Variants in STAU1 observed in about 807,000 individuals in gnomAD.
STAU1 encodes the protein staufen double-stranded RNA binding protein 1.
STAU1 carries 13 observed loss-of-function variants against 62.9 expected under a neutral mutation model. That is an observed-to-expected ratio of 0.21 (90% CI 0.13 to 0.33). The LOEUF (loss-of-function observed/expected upper bound fraction) is 0.33. Ranked by LOEUF, STAU1 falls within the 10% of genes least tolerant of loss-of-function variation. The pLI is 1.00. For synonymous variants in STAU1, 269 were observed against 265.1 expected (o/e 1.01, Z -0.14); for missense variants, 571 against 712.1 (o/e 0.80, Z 2.25).
At chr20:49,199,849 C>A in the STAU1 span, among the ~76,000 whole-genome samples, 1 of 152,108 alleles carries the variant, frequency 6.6e-6, no homozygotes. Flanking sequence ...GTTGGGATTA[C>A]AGATGTCAGC....
chr20:49,196,246 C>T, the STAU1 span, among the ~76,000 whole-genome samples: 1 of 149,126 alleles, frequency 6.7e-6, no homozygotes, highest in Non-Finnish European at 1.5e-5. Flanking sequence ...ACCATCCTGG[C>T]TAACACAGTG....
chr20:49,200,573 C>G, the STAU1 span, among the ~76,000 whole-genome samples: 1 of 151,534 alleles, frequency 6.6e-6, no homozygotes, highest in Non-Finnish European at 1.5e-5. Flanking sequence ...TGCACTCCAG[C>G]CTGGGCGACA....
At chr20:49,168,224 G>A (rs1387055600) in intron 2 of STAU1, among the ~76,000 whole-genome samples, 1 of 151,986 alleles carries the variant, frequency 6.6e-6, no homozygotes, top group East Asian at 1.9e-4. Flanking sequence ...AGGATTACAG[G>A]CATGAGCCAC....
chr20:49,159,121 A>T (rs2093411499), intron 3 of STAU1: 1 of 1,110,760 alleles, frequency 9.0e-7, no homozygotes, highest in African/African-American at 1.7e-5. Context: ...TGATTGTCTC[A>T]TGGATAAATG....
intron 5 of STAU1, among the ~76,000 whole-genome samples, chr20:49,146,511 G>A (rs111415630): frequency 4.6e-5 from 7 of 151,980 alleles, no homozygotes; most frequent in African/African-American, 1.7e-4. Flanking sequence ...AGACCAGCCA[G>A]GGCAACATGG....
intron 3 of STAU1, among the ~76,000 whole-genome samples, chr20:49,161,859 C>T (rs1318572449): frequency 6.6e-6 from 1 of 152,306 alleles, no homozygotes; most frequent in African/African-American, 2.4e-5. Flanking sequence ...CAACTAGGGT[C>T]TTTTCTGAAC....
intron 3 of STAU1, chr20:49,158,284 CAAAAAAAG>C: frequency 1.8e-6 from 1 of 570,638 alleles, no homozygotes; most frequent in Admixed American, 3.7e-5. Flanking sequence ...AACTCCGTCT[CAAAAAAAG>C]AAAAAATTAA....
intron 5 of STAU1, among the ~76,000 whole-genome samples, chr20:49,144,775 T>C (rs182489660): frequency 2.0e-5 from 3 of 152,332 alleles, no homozygotes; most frequent in African/African-American, 7.2e-5. Context: ...GGTGTCATCA[T>C]GACAATTACT....
chr20:49,136,491 T>C (rs79263490), intron 5 of STAU1, among the ~76,000 whole-genome samples: 1,806 of 152,302 alleles, frequency 0.012, 41 homozygotes, highest in African/African-American at 0.04. Context: ...CCGCACATAA[T>C]AGACCTTTGG....
intron 3 of STAU1, chr20:49,158,841 T>C (rs977509326): frequency 2.3e-6 from 2 of 881,250 alleles, no homozygotes; most frequent in Non-Finnish European, 3.1e-6. Flanking sequence ...GGCTCATGCC[T>C]GTAATCCCAG....
chr20:49,170,074 G>GA (rs2093577610), intron 2 of STAU1, among the ~76,000 whole-genome samples: 1 of 152,106 alleles, frequency 6.6e-6, no homozygotes, highest in African/African-American at 2.4e-5. Context: ...TGAGCGCTAC[G>GA]AAAGTTTTTT....
At chr20:49,159,025 A>G (rs967675389) in intron 3 of STAU1, 2 of 1,280,968 alleles carry the variant, frequency 1.6e-6, no homozygotes, top group Admixed American at 5.1e-5. Flanking sequence ...TTAAGTACAA[A>G]CAACAGCATG....
At chr20:49,205,985 C>CT in the STAU1 span, among the ~76,000 whole-genome samples, 34,425 of 122,012 alleles carry the variant, frequency 0.28, 5,372 homozygotes, top group East Asian at 0.53. Flanking sequence ...ATTTTCTTTT[C>CT]TTTTTTTTTT....
the STAU1 span, among the ~76,000 whole-genome samples, chr20:49,202,724 CAAAAAGAAA>C: frequency 6.6e-6 from 1 of 150,694 alleles, no homozygotes; most frequent in African/African-American, 2.4e-5. Context: ...CATGTCTCTA[CAAAAAGAAA>C]AAAAAGAAGA....
chr20:49,201,138 G>A, the STAU1 span, among the ~76,000 whole-genome samples: 1 of 151,380 alleles, frequency 6.6e-6, no homozygotes, highest in Admixed American at 6.6e-5. Flanking sequence ...GTCAAGGGCT[G>A]GGGAAGGGAA....
chr20:49,136,341 T>G (rs1164823929), intron 5 of STAU1, among the ~76,000 whole-genome samples: 3 of 152,168 alleles, frequency 2.0e-5, no homozygotes, highest in African/African-American at 7.2e-5. Context: ...GCTGCAATGG[T>G]AAACCTTAAA....
the STAU1 span, among the ~76,000 whole-genome samples, chr20:49,206,740 TATATATATATA>T: frequency 3.7e-5 from 5 of 134,906 alleles, no homozygotes; most frequent in African/African-American, 1.5e-4. Flanking sequence ...TATATATATA[TATATATATATA>T]TTTTATTTTA....
intron 1 of STAU1, among the ~76,000 whole-genome samples, chr20:49,183,590 C>T (rs966250103): frequency 6.6e-6 from 1 of 152,188 alleles, no homozygotes; most frequent in African/African-American, 2.4e-5. Flanking sequence ...AAAGTTGCCC[C>T]ACAAACTGAG....
At chr20:49,133,415 C>T (rs1169747698) in intron 6 of STAU1, among the ~76,000 whole-genome samples, 5 of 152,196 alleles carry the variant, frequency 3.3e-5, no homozygotes, top group African/African-American at 1.2e-4. Flanking sequence ...TACCCCTCCC[C>T]CACAACCTGC....
Sources: gnomAD v4.1 joint callset for allele counts (sites outside exome capture counted in the v4.1 genomes callset) on GRCh38, gnomAD v4.1.1 for gene constraint, MANE v1.5 for transcripts, NCBI Gene and HGNC (gene_info 2026-07-23, HGNC 2026-07-21) for gene names.